The following SLCO1B1 variants were observed in gnomAD, a reference collection of about 807,000 sequenced individuals.
SLCO1B1 encodes the protein OATP-2.
A neutral mutation model predicts 70.1 loss-of-function variants in SLCO1B1; 81 were observed. The ratio of observed to expected loss-of-function variants is 1.16; its 90% CI spans 0.97 to 1.39. The LOEUF is 1.39. Among genes scored for constraint, SLCO1B1 ranks in the 40% most tolerant of loss-of-function variants. SLCO1B1 has a pLI of 0.00. For synonymous variants in SLCO1B1, 283 were observed against 271.5 expected (o/e 1.04, Z -0.42); for missense variants, 895 against 799.6 (o/e 1.12, Z -1.44).
intron 2 of SLCO1B1, among the ~76,000 whole-genome samples, chr12:21,143,117 T>C (rs2121043074): frequency 6.6e-6 from 1 of 152,224 alleles, no homozygotes; most frequent in Non-Finnish European, 1.5e-5. Flanking sequence ...AACAATCATT[T>C]TACAATAATT....
At chr12:21,232,861 A>C (rs1254034799) in intron 14 of SLCO1B1, among the ~76,000 whole-genome samples, 1 of 152,128 alleles carries the variant, frequency 6.6e-6, no homozygotes, top group African/African-American at 2.4e-5. Context: ...AGAAGAATGA[A>C]GTGGCTTTTG....
chr12:21,223,180 A>G (rs1344343270), intron 13 of SLCO1B1, among the ~76,000 whole-genome samples: 1 of 152,182 alleles, frequency 6.6e-6, no homozygotes, highest in African/African-American at 2.4e-5. Context: ...TTTTAGCAAT[A>G]GAAAATAGGA....
In SLCO1B1 at chr12:21,220,167, G is replaced by A. The variant is rs148665794; in HGVS notation, c.1683-2133G>A. ...ATCCCAAAGTTCTGGCTTGAGTTCT[G>A]GAAGGATGGTGGTACTATTGAACAA... is the stretch of plus-strand genomic sequence containing the variant. On this transcript the variant is annotated intron_variant, in intron 12 of 14. Transcript: ENST00000256958. 2.0e-3 allele frequency among the ~76,000 whole-genome samples: 308 copies of A among 152,230 alleles called. 1 individual carries two copies. Among genetic ancestry groups the A allele is most frequent in the African/African-American group, 7.1e-3 (296 of 41,554 alleles).
chr12:21,186,875 G>A (rs552514495), intron 7 of SLCO1B1, among the ~76,000 whole-genome samples: 3 of 152,150 alleles, frequency 2.0e-5, no homozygotes, highest in East Asian at 3.9e-4. Flanking sequence ...ACCATTTAAA[G>A]CAAAGGAAGG....
At chr12:21,195,202 C>T (rs1591816384) in intron 7 of SLCO1B1, among the ~76,000 whole-genome samples, 1 of 152,306 alleles carries the variant, frequency 6.6e-6, no homozygotes, top group South Asian at 2.1e-4. Context: ...CCCAGCAGAG[C>T]GTCTGTGGGC....
At chr12:21,186,122 T>A (rs1940959286) in intron 7 of SLCO1B1, among the ~76,000 whole-genome samples, 1 of 152,094 alleles carries the variant, frequency 6.6e-6, no homozygotes, top group African/African-American at 2.4e-5. Flanking sequence ...TAATTCTAAT[T>A]TTATTCTAAC....
chr12:21,188,595 TA>T (rs1392250633), intron 7 of SLCO1B1, among the ~76,000 whole-genome samples: 8 of 152,134 alleles, frequency 5.3e-5, no homozygotes, highest in Admixed American at 2.6e-4. Context: ...GTGATAAAGG[TA>T]GTTTCTCATG....
intron 8 of SLCO1B1, among the ~76,000 whole-genome samples, chr12:21,199,241 C>T (rs530228111): frequency 5.9e-5 from 9 of 152,160 alleles, no homozygotes; most frequent in East Asian, 3.9e-4. Context: ...TTTCAAAGTC[C>T]GTATCATCCA....
intron 1 of SLCO1B1, among the ~76,000 whole-genome samples, chr12:21,140,994 T>C (rs557916465): frequency 3.9e-5 from 6 of 152,052 alleles, no homozygotes; most frequent in African/African-American, 1.4e-4. Context: ...TTTTAACAAA[T>C]CCAAATTCTG....
At chr12:21,234,892 G>A (rs1331129091) in intron 14 of SLCO1B1, among the ~76,000 whole-genome samples, 2 of 152,064 alleles carry the variant, frequency 1.3e-5, no homozygotes, top group South Asian at 4.1e-4. Context: ...TTATTCTGCT[G>A]TGGTTCATGA....
intron 11 of SLCO1B1, among the ~76,000 whole-genome samples, chr12:21,207,069 A>G (rs113376332): frequency 2.0e-5 from 3 of 152,088 alleles, no homozygotes; most frequent in African/African-American, 7.2e-5. Flanking sequence ...CATGGCAACA[A>G]TGAATCTTTT....
rs532585749 is a variant in SLCO1B1, at chr12:21,165,192, G to A, written c.85-7458G>A. The stretch of plus-strand genomic sequence containing the variant: ...ACCGATCTGCCATGATTGCAGGCAA[G>A]TAGAGACTTTATTTCTTATCTCAAT... On this transcript the variant is annotated intron_variant, in intron 2 of 14. Transcript: ENST00000256958. Among the ~76,000 whole-genome samples, 29 of 152,278 alleles carry A rather than the reference G, an allele frequency of 1.9e-4. No homozygotes were observed. The East Asian group carries it at 5.2e-3, about 27-fold the overall frequency.
chr12:21,158,730 T>C (rs1415249665), intron 2 of SLCO1B1, among the ~76,000 whole-genome samples: 1 of 152,042 alleles, frequency 6.6e-6, no homozygotes, highest in East Asian at 1.9e-4. Flanking sequence ...GTAAATACTA[T>C]TACAATAGCT....
chr12:21,235,178 A>G (rs544497658), intron 14 of SLCO1B1, among the ~76,000 whole-genome samples: 161 of 146,408 alleles, frequency 1.1e-3, no homozygotes, highest in Non-Finnish European at 2.1e-3. Flanking sequence ...ATTACTTTCT[A>G]TCTCTTTGCT....
chr12:21,224,613 C>T, intron 13 of SLCO1B1, 109 bp from the exon 14 acceptor site: 1 of 741,818 alleles, frequency 1.3e-6, no homozygotes, highest in Non-Finnish European at 2.4e-6. Context: ...TAAACGAATC[C>T]TCCAAATTTT....
chr12:21,229,979 G>T (rs545752343), intron 14 of SLCO1B1, among the ~76,000 whole-genome samples: 46 of 152,284 alleles, frequency 3.0e-4, no homozygotes, highest in African/African-American at 1.1e-3. Context: ...TCACTATTAA[G>T]TATGAAGTTA....
chr12:21,162,039 A>T (rs4762697), intron 2 of SLCO1B1, among the ~76,000 whole-genome samples: 104,175 of 151,256 alleles, frequency 0.69, 36,054 homozygotes, highest in South Asian at 0.79. Flanking sequence ...AAAGATTTTA[A>T]ATAATATTAT....
chr12:21,219,596 G>A (rs1941399063), intron 12 of SLCO1B1, among the ~76,000 whole-genome samples: 2 of 152,186 alleles, frequency 1.3e-5, no homozygotes, highest in South Asian at 2.1e-4. Flanking sequence ...GGTAGAAAGT[G>A]TGTTTTGTGA....
rs35163063 is a variant in SLCO1B1 at position 21,220,815 on chromosome 12, T to TAAA, written c.1683-1472_1683-1470dup. The stretch of plus-strand genomic sequence containing the variant: ...CCTGGGAGACAGAGCAAGACTGGTC[T>TAAA]AAAAAAAAAAAAAAAGAAAAGAAAA... On this transcript the variant is annotated intron_variant, in intron 12 of 14. Transcript: ENST00000256958. 1.3e-4 allele frequency among the ~76,000 whole-genome samples: 16 copies of TAAA among 121,554 alleles called. 1 individual carries two copies. The highest frequency in any genetic ancestry group is 7.6e-4 in the South Asian group (3 of 3,966). 79.7% of individuals were successfully genotyped at this position (121,554 alleles called of 152,430 possible).
Sources: allele counts gnomAD v4.1 joint callset (sites outside exome capture counted in the v4.1 genomes callset), GRCh38; gene constraint gnomAD v4.1.1; transcripts MANE v1.5; gene names NCBI Gene and HGNC (gene_info 2026-07-23, HGNC 2026-07-21).